Variants in FMN2 observed in about 807,000 individuals in gnomAD.
FMN2 encodes formin 2, also known as formin-2.
A neutral mutation model predicts 142.3 loss-of-function variants in FMN2; 51 were observed. That is an observed-to-expected ratio of 0.36 (90% CI 0.29 to 0.45). FMN2 has a LOEUF of 0.45. Among genes scored for constraint, FMN2 ranks in the 20% least tolerant of loss-of-function variants. The pLI is 1.00. For missense variants in FMN2, 1,936 were observed against 2,122.8 expected (o/e 0.91, Z 1.73); for synonymous variants, 882 against 869.8 (o/e 1.01, Z -0.25).
In FMN2 at chr1:240,230,688, C is replaced by A. The variant is rs1253750266; in HGVS notation, c.4065+19453C>A. Among the ~76,000 whole-genome samples, 2 of 131,724 alleles carry A rather than the reference C, an allele frequency of 1.5e-5. 1 individual carries two copies. The highest frequency in any genetic ancestry group is 3.2e-5 in the Non-Finnish European group (2 of 62,874). The allele number at this position is 131,724 out of a possible 152,430, so 86.4% of individuals were successfully genotyped here. A position where few individuals can be genotyped will look rare whatever the true frequency, so the allele number is the denominator to read the frequency against. On this transcript the variant is annotated intron_variant, in intron 6 of 17. Coordinates refer to ENST00000319653, the MANE Select transcript of FMN2 (RefSeq NM_020066.5). ...CTGTAAATATAGTACAGAATGACTC[C>A]TTTTCTCTTTTAATACTCTCCTGTA...
In FMN2 at chr1:240,211,274, C is replaced by T. The variant is rs374539346; in HGVS notation, c.4065+39C>T. On this transcript the variant is annotated intron_variant, in intron 6 of 17. Transcript: ENST00000319653. ...TGCTTTATGAAATTGGACAGTGTTT[C>T]TGGCATAAGTGTGAACTGTCATTAG... is the stretch of plus-strand genomic sequence containing the variant. 6.3e-6 allele frequency: 10 copies of T among 1,594,442 alleles called. No individual in the cohort carries two copies. In the African/African-American group the frequency reaches 1.2e-4, roughly 19 times the overall value.
Position 240,145,530 on chromosome 1 carries a change from ATTTTTT to A in FMN2, c.1782+22209_1782+22214del, listed in dbSNP as rs71168902. 9.7e-3 allele frequency: 822 copies of A among 84,430 alleles called. 5 individuals are homozygous for A. The highest frequency in any genetic ancestry group is 0.027 in the East Asian group (79 of 2,968). The allele number at this position is 84,430 out of a possible 1,614,324, so 5.2% of individuals were successfully genotyped here. On this transcript the variant is annotated intron_variant, in intron 2 of 17. Transcript: ENST00000319653. ...AGGCAATTTTTCTTTTTCTTTTTCT[ATTTTTT>A]TTTTTTTTTTTTTTTTTTTTTTTGA...
chr1:240,115,582 A>G (rs1416752434), intron 1 of FMN2, among the ~76,000 whole-genome samples: 3 of 152,136 alleles, frequency 2.0e-5, no homozygotes, highest in Non-Finnish European at 4.4e-5. Flanking sequence ...GTTGAGGGAC[A>G]CTGGAGGAAC....
chr1:240,309,017 G>A (rs1670507708), intron 8 of FMN2, among the ~76,000 whole-genome samples: 1 of 152,182 alleles, frequency 6.6e-6, no homozygotes. Context: ...AAGGCAGAAG[G>A]TGGAGAGTGA....
intron 2 of FMN2, chr1:240,144,858 G>C (rs1663370583): frequency 7.0e-7 from 1 of 1,433,692 alleles, no homozygotes; most frequent in African/African-American, 1.4e-5. Flanking sequence ...GCATCATCCA[G>C]CTCCTGCCAC....
At chr1:240,328,562 TA>T (rs1671272987) in intron 8 of FMN2, among the ~76,000 whole-genome samples, 2 of 11,608 alleles carry the variant, frequency 1.7e-4, no homozygotes, top group Non-Finnish European at 9.5e-4. Flanking sequence ...CACTTTATTT[TA>T]TTTATTTATT....
At chr1:240,170,470 C>A in intron 2 of FMN2, 1 of 1,414,976 alleles carries the variant, frequency 7.1e-7, no homozygotes, top group Non-Finnish European at 1.0e-6. Flanking sequence ...GTGGAGAATG[C>A]AAATTTTGTC....
chr1:240,246,500 T>G (rs1668088514), intron 6 of FMN2, among the ~76,000 whole-genome samples: 1 of 152,208 alleles, frequency 6.6e-6, no homozygotes, highest in African/African-American at 2.4e-5. Context: ...GGGAGGTAAC[T>G]GAGGCTTTAG....
intron 6 of FMN2, among the ~76,000 whole-genome samples, chr1:240,232,655 CAT>C (rs979566509): frequency 3.3e-5 from 5 of 152,294 alleles, no homozygotes; most frequent in African/African-American, 1.2e-4. Context: ...GAATCTATAA[CAT>C]ATGACTCATA....
At chr1:240,403,614 C>A (rs549042088) in intron 15 of FMN2, among the ~76,000 whole-genome samples, 3 of 150,756 alleles carry the variant, frequency 2.0e-5, no homozygotes, top group Non-Finnish European at 4.4e-5. Context: ...AAATAGAAGT[C>A]TTTTTTTTTC....
intron 15 of FMN2, among the ~76,000 whole-genome samples, chr1:240,428,627 T>C (rs2103157537): frequency 6.6e-6 from 1 of 152,340 alleles, no homozygotes; most frequent in African/African-American, 2.4e-5. Flanking sequence ...ACAGTTTTTT[T>C]CCTCGAGACC....
intron 8 of FMN2, among the ~76,000 whole-genome samples, chr1:240,303,455 T>C (rs940890941): frequency 2.6e-5 from 4 of 152,298 alleles, no homozygotes; most frequent in Non-Finnish European, 2.9e-5. Context: ...AAACTTTATT[T>C]TGTTTCAGTA....
intron 7 of FMN2, among the ~76,000 whole-genome samples, chr1:240,280,595 A>G (rs937653261): frequency 7.2e-5 from 11 of 152,186 alleles, no homozygotes; most frequent in Non-Finnish European, 1.2e-4. Context: ...ATGTTTACCT[A>G]AGCAAGAAGG....
At chr1:240,472,098 A>G in intron 16 of FMN2, 1 of 328,038 alleles carries the variant, frequency 3.0e-6, no homozygotes, top group Middle Eastern at 8.7e-4. Context: ...GATGAAATGC[A>G]TACACACTCT....
At chr1:240,210,374 T>C (rs1035875517) in intron 5 of FMN2, among the ~76,000 whole-genome samples, 3 of 152,158 alleles carry the variant, frequency 2.0e-5, no homozygotes, top group Admixed American at 6.5e-5. Flanking sequence ...ATTTGCCAGG[T>C]TCGTTTTCAT....
intron 8 of FMN2, among the ~76,000 whole-genome samples, chr1:240,325,845 G>A (rs1004480951): frequency 2.6e-5 from 4 of 152,194 alleles, no homozygotes; most frequent in African/African-American, 9.7e-5. Flanking sequence ...CGGCTGTGAT[G>A]TACCTGATGG....
At chr1:240,425,226 A>AGAGAGAGAGAGAGAGAGAGAGC (rs1441315409) in intron 15 of FMN2, among the ~76,000 whole-genome samples, 1 of 151,872 alleles carries the variant, frequency 6.6e-6, no homozygotes, top group African/African-American at 2.4e-5. Context: ...AGAGAGAGAG[A>AGAGAGAGAGAGAGAGAGAGAGC]GAGAGAGAGC....
At chr1:240,387,198 A>G (rs73128209) in intron 14 of FMN2, among the ~76,000 whole-genome samples, 258 of 152,320 alleles carry the variant, frequency 1.7e-3, no homozygotes, top group African/African-American at 5.9e-3. Context: ...CAGTGTCAGT[A>G]GAGAATTGAT....
chr1:240,311,936 T>C (rs1483265197), intron 8 of FMN2, among the ~76,000 whole-genome samples: 1 of 152,156 alleles, frequency 6.6e-6, no homozygotes, highest in Non-Finnish European at 1.5e-5. Flanking sequence ...AGTGATCCTC[T>C]TGCCTCACCC....
Sources: allele counts gnomAD v4.1 joint callset (sites outside exome capture counted in the v4.1 genomes callset), GRCh38; gene constraint gnomAD v4.1.1; transcripts MANE v1.5; gene names NCBI Gene and HGNC (gene_info 2026-07-23, HGNC 2026-07-21).